FBXL7: variants seen among roughly 807,000 people sequenced by gnomAD.
The protein encoded by FBXL7 is F-box/LRR-repeat protein 7.
FBXL7 carries 12 observed loss-of-function variants against 38.3 expected under a neutral mutation model. The observed-to-expected ratio is 0.31, with a 90% CI of 0.20 to 0.51. FBXL7 has a LOEUF of 0.51. FBXL7 is among the 20% of genes least tolerant of loss of function. FBXL7 has a pLI of 0.98. For missense variants in FBXL7, 567 were observed against 676.4 expected, an observed-to-expected ratio of 0.84 and a Z score of 1.79; for synonymous variants, 297 against 300.9, an observed-to-expected ratio of 0.99 and a Z score of 0.13.
chr5:15,919,549 A>C (rs1039991863), intron 2 of FBXL7, among the ~76,000 whole-genome samples: 4 of 152,220 alleles, frequency 2.6e-5, no homozygotes, highest in Non-Finnish European at 4.4e-5. Flanking sequence ...TAAATTATTA[A>C]TGGAACCACA....
intron 2 of FBXL7, among the ~76,000 whole-genome samples, chr5:15,682,438 A>G (rs1014693453): frequency 2.6e-5 from 4 of 152,210 alleles, no homozygotes; most frequent in Non-Finnish European, 4.4e-5. Flanking sequence ...ACTTCCACCT[A>G]ACATAACATC....
rs1401156013 is a variant in FBXL7 at position 15,736,166 on chromosome 5, A to T, written c.127+120094A>T. ...TCAATGCATTTAAGTTGCAAATTTC[A>T]GAACCCTTTTTCTTGAGCTCTAAAG... On this transcript the variant is annotated intron_variant, in intron 2 of 3. Coordinates refer to ENST00000504595, the MANE Select transcript of FBXL7 (RefSeq NM_012304.5). Among the ~76,000 whole-genome samples, 3 of 152,262 alleles carry T rather than the reference A, an allele frequency of 2.0e-5. No homozygotes were observed. The East Asian group carries it at 5.8e-4, about 29-fold the overall frequency.
chr5:15,934,397 A>T (rs961001374), intron 3 of FBXL7, among the ~76,000 whole-genome samples: 7 of 152,176 alleles, frequency 4.6e-5, no homozygotes, highest in African/African-American at 1.7e-4. Flanking sequence ...AATATACCAT[A>T]AGTATACTGT....
intron 2 of FBXL7, among the ~76,000 whole-genome samples, chr5:15,754,597 G>T (rs1053451906): frequency 6.6e-6 from 1 of 152,218 alleles, no homozygotes; most frequent in Non-Finnish European, 1.5e-5. Context: ...AATGCCACTT[G>T]CATTGCTACC....
Position 15,716,168 on chromosome 5 carries a change from A to G in FBXL7, c.127+100096A>G, listed in dbSNP as rs553983600. 1.3e-4 allele frequency among the ~76,000 whole-genome samples: 20 copies of G among 152,324 alleles called. No individual in the cohort carries two copies. The South Asian group carries it at 4.1e-3, about 32-fold the overall frequency. On this transcript the variant is annotated intron_variant, in intron 2 of 3. Transcript: ENST00000504595. ...TTTGTGTACAGCTTTCAGGATTGCT[A>G]ACGCTCTATTGTTTATCCTTACTCC...
chr5:15,833,691 C>T (rs941090367), intron 2 of FBXL7, among the ~76,000 whole-genome samples: 4 of 152,172 alleles, frequency 2.6e-5, no homozygotes, highest in South Asian at 2.1e-4. Context: ...GTGTGATGCA[C>T]GGAGACCCAT....
intron 1 of FBXL7, among the ~76,000 whole-genome samples, chr5:15,508,891 C>G (rs1736721681): frequency 6.6e-6 from 1 of 152,116 alleles, no homozygotes; most frequent in Admixed American, 6.6e-5. Flanking sequence ...AGATAACCTG[C>G]ACCAAAAATT....
At chr5:15,921,202 G>A (rs1741731338) in intron 2 of FBXL7, among the ~76,000 whole-genome samples, 1 of 151,948 alleles carries the variant, frequency 6.6e-6, no homozygotes, top group South Asian at 2.1e-4. Flanking sequence ...GCCAAATGCT[G>A]AAACCCTATC....
intron 2 of FBXL7, among the ~76,000 whole-genome samples, chr5:15,803,018 A>G (rs537805798): frequency 6.6e-6 from 1 of 152,272 alleles, no homozygotes; most frequent in Admixed American, 6.5e-5. Flanking sequence ...ATTTCATGCT[A>G]TTTATCATTC....
At chr5:15,557,984 C>T (rs1259366222) in intron 1 of FBXL7, among the ~76,000 whole-genome samples, 1 of 152,066 alleles carries the variant, frequency 6.6e-6, no homozygotes, top group Non-Finnish European at 1.5e-5. Context: ...TCCAAGTTGC[C>T]AGGGGCTAAG....
At chr5:15,675,016 C>A (rs577863004) in intron 2 of FBXL7, among the ~76,000 whole-genome samples, 1 of 152,226 alleles carries the variant, frequency 6.6e-6, no homozygotes, top group East Asian at 1.9e-4. Context: ...CCCAAGACCT[C>A]CTTGAACTGC....
chr5:15,915,895 C>T (rs10520828), intron 2 of FBXL7, among the ~76,000 whole-genome samples: 13,085 of 152,040 alleles, frequency 0.086, 782 homozygotes, highest in Non-Finnish European at 0.13. Context: ...GGGAAACAGA[C>T]GTGAAATCCA....
intron 2 of FBXL7, among the ~76,000 whole-genome samples, chr5:15,628,177 A>T (rs1354132125): frequency 6.6e-6 from 1 of 152,188 alleles, no homozygotes; most frequent in Non-Finnish European, 1.5e-5. Context: ...GTGGTTTTCA[A>T]GATGGGGTGG....
At chr5:15,714,736 C>T (rs997605661) in intron 2 of FBXL7, among the ~76,000 whole-genome samples, 1 of 151,130 alleles carries the variant, frequency 6.6e-6, no homozygotes, top group Admixed American at 6.6e-5. Context: ...GTAGTCCCAG[C>T]TACTCGGGAG....
intron 2 of FBXL7, among the ~76,000 whole-genome samples, chr5:15,873,440 C>T (rs1740055686): frequency 6.6e-6 from 1 of 151,622 alleles, no homozygotes; most frequent in Admixed American, 6.6e-5. Context: ...GATAGAGACA[C>T]AAAAAAACCC....
At chr5:15,524,693 T>C (rs1257311974) in intron 1 of FBXL7, among the ~76,000 whole-genome samples, 1 of 152,240 alleles carries the variant, frequency 6.6e-6, no homozygotes, top group Non-Finnish European at 1.5e-5. Flanking sequence ...TTATTGTTAC[T>C]GACACATTGA....
intron 1 of FBXL7, among the ~76,000 whole-genome samples, chr5:15,614,331 G>A (rs190592604): frequency 5.2e-4 from 79 of 150,920 alleles, no homozygotes; most frequent in Admixed American, 2.8e-3. Context: ...GTGCAATGGC[G>A]CAATCTTGGC....
chr5:15,653,556 ATCAAGGTAGCTACTAGTTACC>A (rs1263805949), intron 2 of FBXL7, among the ~76,000 whole-genome samples: 23 of 152,202 alleles, frequency 1.5e-4, no homozygotes, highest in African/African-American at 5.5e-4. Context: ...CCAATTATTT[ATCAAGGTAGCTACTAGTTACC>A]AGTTATCAAA....
At chr5:15,828,859 A>C (rs1205798228) in intron 2 of FBXL7, among the ~76,000 whole-genome samples, 2 of 152,240 alleles carry the variant, frequency 1.3e-5, no homozygotes, top group Admixed American at 1.3e-4. Flanking sequence ...ATCATTTGTC[A>C]ACCTACAGGA....
Sources: gnomAD v4.1 joint callset for allele counts (sites outside exome capture counted in the v4.1 genomes callset) on GRCh38, gnomAD v4.1.1 for gene constraint, MANE v1.5 for transcripts, NCBI Gene and HGNC (gene_info 2026-07-23, HGNC 2026-07-21) for gene names.